Variants in CSMD1 observed in about 807,000 individuals in gnomAD.
CSMD1 encodes the protein CUB and Sushi multiple domains 1.
A neutral mutation model predicts 417.5 loss-of-function variants in CSMD1; 213 were observed. The observed-to-expected ratio is 0.51, with a 90% confidence interval of 0.46 to 0.57. CSMD1 has a LOEUF of 0.57. Ranked by LOEUF, CSMD1 falls within the 20% of genes least tolerant of loss-of-function variation. The probability of loss-of-function intolerance (pLI) is 0.00; values close to 1 mark genes in which losing one functional copy is unlikely to be tolerated. For synonymous variants in CSMD1, 2,862 were observed against 1,736.8 expected (o/e 1.65, Z -16.11); for missense variants, 6,923 against 4,529.7 (o/e 1.53, Z -15.17).
intron 46 of CSMD1, among the ~76,000 whole-genome samples, chr8:3,097,697 A>C (rs1815415605): frequency 1.3e-5 from 2 of 152,222 alleles, no homozygotes; most frequent in African/African-American, 4.8e-5. Context: ...TTTTTCATTT[A>C]ATATTTTCAG....
chr8:3,511,220 G>C (rs945291268), intron 10 of CSMD1, among the ~76,000 whole-genome samples: 1 of 151,664 alleles, frequency 6.6e-6, no homozygotes, highest in Admixed American at 6.6e-5. Context: ...TCATACACCA[G>C]GGCCTGTTGG....
rs570025452 is a variant in CSMD1, at chr8:4,802,472, C to T, written c.86-164914G>A. On this transcript the variant is annotated intron_variant, in intron 1 of 69. Transcript: ENST00000635120. ...TCACAGTGGACTTGAAAACAAACCA[C>T]GAAATCAAACAATAAAAACAAGACA... is the stretch of plus-strand genomic sequence containing the variant. Among the ~76,000 whole-genome samples, 238 of 151,836 alleles carry T rather than the reference C, an allele frequency of 1.6e-3. 1 individual carries two copies. Among genetic ancestry groups the T allele is most frequent in the Middle Eastern group, 3.4e-3 (1 of 294 alleles).
At chr8:4,177,939 T>A (rs1284058241) in intron 3 of CSMD1, among the ~76,000 whole-genome samples, 1 of 152,030 alleles carries the variant, frequency 6.6e-6, no homozygotes, top group Non-Finnish European at 1.5e-5. Context: ...CAACAATCAA[T>A]AGCTTATCAA....
intron 6 of CSMD1, among the ~76,000 whole-genome samples, chr8:3,747,965 G>C (rs953465728): frequency 1.3e-5 from 2 of 152,012 alleles, no homozygotes; most frequent in East Asian, 1.9e-4. Context: ...CGTTTGTCTA[G>C]AAGTCCACCA....
intron 2 of CSMD1, among the ~76,000 whole-genome samples, chr8:4,498,933 A>G (rs1802114126): frequency 6.6e-6 from 1 of 152,196 alleles, no homozygotes; most frequent in African/African-American, 2.4e-5. Context: ...CATTACATAC[A>G]CATGGCCAGT....
chr8:4,641,794 G>C (rs964081217), intron 1 of CSMD1, among the ~76,000 whole-genome samples: 1 of 152,076 alleles, frequency 6.6e-6, no homozygotes, highest in East Asian at 1.9e-4. Flanking sequence ...GGAAAATCTA[G>C]ATATGTAGGG....
rs146793379 is a variant in CSMD1, at chr8:4,358,060, A to G, written c.415+61893T>C. Among the ~76,000 whole-genome samples, 478 of 152,322 alleles carry G rather than the reference A, an allele frequency of 3.1e-3. 8 individuals are homozygous for G. The highest frequency in any genetic ancestry group is 0.028 in the Admixed American group (421 of 15,298). ...CAGTAGCTGCTGCTGATTTACATGT[A>G]TACTTACGTATATATGTATATATGT... On this transcript the variant is annotated intron_variant, in intron 3 of 69. Transcript: ENST00000635120.
intron 3 of CSMD1, among the ~76,000 whole-genome samples, chr8:4,317,764 T>C (rs1276509332): frequency 6.6e-6 from 1 of 152,198 alleles, no homozygotes; most frequent in Non-Finnish European, 1.5e-5. Flanking sequence ...ACTTCCACAC[T>C]GCCCCAGAAG....
chr8:4,673,414 T>G (rs1805472924), intron 1 of CSMD1, among the ~76,000 whole-genome samples: 1 of 152,182 alleles, frequency 6.6e-6, no homozygotes, highest in Non-Finnish European at 1.5e-5. Flanking sequence ...ATTATCCTCC[T>G]TTCCAACCTA....
chr8:4,313,234 C>T (rs1798728921), intron 3 of CSMD1, among the ~76,000 whole-genome samples: 1 of 151,886 alleles, frequency 6.6e-6, no homozygotes, highest in Non-Finnish European at 1.5e-5. Flanking sequence ...CCTGAAAAAA[C>T]CTAGTTGGCT....
chr8:3,984,441 G>C (rs964871577), intron 5 of CSMD1, among the ~76,000 whole-genome samples: 2 of 151,974 alleles, frequency 1.3e-5, no homozygotes, highest in African/African-American at 4.8e-5. Flanking sequence ...CCTAAACAGA[G>C]AGGCACATTG....
At chr8:3,915,072 A>T (rs951241049) in intron 5 of CSMD1, among the ~76,000 whole-genome samples, 1 of 152,146 alleles carries the variant, frequency 6.6e-6, no homozygotes, top group African/African-American at 2.4e-5. Context: ...TTATTGAATT[A>T]ATTAGGGATC....
intron 41 of CSMD1, among the ~76,000 whole-genome samples, chr8:3,137,114 A>T (rs1162859351): frequency 6.6e-6 from 1 of 152,138 alleles, no homozygotes; most frequent in African/African-American, 2.4e-5. Flanking sequence ...GGAATGTTCA[A>T]TATCCTCCTG....
chr8:4,360,130 G>T (rs116895622), intron 3 of CSMD1, among the ~76,000 whole-genome samples: 1,715 of 152,188 alleles, frequency 0.011, 19 homozygotes, highest in Non-Finnish European at 0.016. Context: ...TGCAGGTTTG[G>T]CTGTGAGGAT....
rs377287620 is a variant in CSMD1, at chr8:3,998,064, G to T, written c.657C>A (p.Ile219=). The T allele has an allele frequency of 2.1e-5, 33 of 1,593,974 alleles. No individual in the cohort carries two copies. The highest frequency in any genetic ancestry group is 2.6e-6 in the Non-Finnish European group (3 of 1,169,652). The change falls in exon 5 of 70, where the codon ATC becomes ATA. Residue 219 remains isoleucine (I), a synonymous_variant. Transcript: ENST00000635120. ...ACTCTGAAGGGAAGTGCGGGCTGGA[G>T]ATGGAGCTGCTGGTCCCGCGTAAGG... The part of the protein sequence containing the change: ...GGTLRGTSSS[I]SSPHFPSEYE...
At chr8:3,399,879 C>T (rs11785551) in intron 15 of CSMD1, among the ~76,000 whole-genome samples, 1 of 151,984 alleles carries the variant, frequency 6.6e-6, no homozygotes, top group African/African-American at 2.4e-5. Flanking sequence ...TAACAATTAT[C>T]TATACATAAG....
At chr8:4,305,129 G>A (rs374745984) in intron 3 of CSMD1, among the ~76,000 whole-genome samples, 35 of 152,188 alleles carry the variant, frequency 2.3e-4, no homozygotes, top group East Asian at 5.8e-4. Context: ...ATAATATTGC[G>A]GATACATGCA....
chr8:4,447,953 G>C (rs2115966), intron 2 of CSMD1, among the ~76,000 whole-genome samples: 17,836 of 152,158 alleles, frequency 0.12, 1,378 homozygotes, highest in South Asian at 0.22. Context: ...TTTTTTAAAA[G>C]ACAATGCTAA....
chr8:3,820,862 G>A (rs958238516), intron 5 of CSMD1, among the ~76,000 whole-genome samples: 1 of 152,080 alleles, frequency 6.6e-6, no homozygotes, highest in African/African-American at 2.4e-5. Flanking sequence ...GGGATTATAG[G>A]TCACAATGCC....
Sources: allele counts gnomAD v4.1 joint callset (sites outside exome capture counted in the v4.1 genomes callset), GRCh38; gene constraint gnomAD v4.1.1; transcripts MANE v1.5; gene names NCBI Gene and HGNC (gene_info 2026-07-23, HGNC 2026-07-21).